The following JPH3 variants were observed in gnomAD, a reference collection of about 807,000 sequenced individuals.
JPH3 encodes junctophilin-3.
In JPH3, 11 loss-of-function variants were observed where a neutral mutation model predicts 59.6. The observed-to-expected ratio is 0.18, with a 90% CI of 0.12 to 0.31. JPH3 has a LOEUF of 0.31. Among genes scored for constraint, JPH3 ranks in the 10% least tolerant of loss-of-function variants. The pLI, the probability that JPH3 is intolerant of heterozygous loss-of-function variation, is 1.00. For missense variants in JPH3, 1,202 were observed against 1,105.7 expected, an observed-to-expected ratio of 1.09 and a Z score of -1.24; for synonymous variants, 673 against 483.6, an observed-to-expected ratio of 1.39 and a Z score of -5.14.
intron 1 of JPH3, among the ~76,000 whole-genome samples, chr16:87,630,511 C>A (rs1453956871): frequency 6.6e-6 from 1 of 152,176 alleles, no homozygotes; most frequent in African/African-American, 2.4e-5. Flanking sequence ...CCCACGTTGA[C>A]AACGTACGAG....
Position 87,644,856 on chromosome 16 carries a change from C to A in JPH3, c.981C>A (p.Thr327=), listed in dbSNP as rs1567596495. Reference sequence around the variant, plus strand: ...GGCGCCATGGCTACGGCTGCATGACCTTCCCGGACGGCACCAAGGAGGAGG... The same window carrying A: ...GGCGCCATGGCTACGGCTGCATGACATTCCCGGACGGCACCAAGGAGGAGG... The part of the protein sequence containing the change: ...SNRRHGYGCM[T]FPDGTKEEGK... The change falls in exon 2 of 5, where the codon ACC becomes ACA. Residue 327 remains threonine (T), a synonymous_variant. Coordinates refer to ENST00000284262, the MANE Select transcript of JPH3 (RefSeq NM_020655.4). 2 of 1,613,510 alleles carry A rather than the reference C, an allele frequency of 1.2e-6. No homozygotes were observed. The highest frequency in any genetic ancestry group is 2.2e-5 in the East Asian group (1 of 44,864).
chr16:87,604,485 C>T (rs552609431), intron 1 of JPH3: 5 of 1,341,028 alleles, frequency 3.7e-6, no homozygotes, highest in African/African-American at 1.5e-5. Flanking sequence ...GACCAGTCCA[C>T]TCCCATGTGG....
At chr16:87,649,309 C>T (rs564342667) in intron 2 of JPH3, among the ~76,000 whole-genome samples, 20 of 152,348 alleles carry the variant, frequency 1.3e-4, no homozygotes, top group Middle Eastern at 3.4e-3. Context: ...CATTCGGCCC[C>T]TCCTGCCTTC....
At position 87,689,704 on chromosome 16, in the gene JPH3, C is replaced by T. The variant is rs1402651928; in HGVS notation, c.1344C>T (p.Ser448=). 6.2e-7 allele frequency: 1 copy of T among 1,612,446 alleles called. No homozygotes were observed. Among genetic ancestry groups the T allele is most frequent in the Non-Finnish European group, 8.5e-7 (1 of 1,179,772 alleles). The part of the protein sequence containing the change: ...QTSCDDIEVL[S]TGTPLQQESP... ...CCTGTGACGACATCGAGGTGCTGTC[C>T]ACCGGGACACCCCTGCAGCAGGAGA... Residue 448 remains serine, a synonymous_variant, in exon 4 of 5, where the codon TCC becomes TCT. Coordinates refer to ENST00000284262, the MANE Select transcript of JPH3 (RefSeq NM_020655.4).
intron 2 of JPH3, among the ~76,000 whole-genome samples, chr16:87,663,781 G>C (rs766458609): frequency 6.6e-6 from 1 of 152,170 alleles, no homozygotes; most frequent in Non-Finnish European, 1.5e-5. Flanking sequence ...TCAAGCCCAA[G>C]TGCCGTGTTA....
intron 1 of JPH3, among the ~76,000 whole-genome samples, chr16:87,636,494 G>A (rs753042629): frequency 6.6e-5 from 10 of 152,310 alleles, no homozygotes; most frequent in East Asian, 5.8e-4. Context: ...GAGCAACTGC[G>A]GCGAGCGTGG....
At chr16:87,643,037 T>G (rs1485266831) in intron 1 of JPH3, among the ~76,000 whole-genome samples, 1 of 152,106 alleles carries the variant, frequency 6.6e-6, no homozygotes, top group African/African-American at 2.4e-5. Flanking sequence ...CTGTCCCTAT[T>G]CAACACTGAC....
intron 1 of JPH3, among the ~76,000 whole-genome samples, chr16:87,626,794 G>A (rs2150832587): frequency 6.6e-6 from 1 of 152,342 alleles, no homozygotes; most frequent in South Asian, 2.1e-4. Flanking sequence ...GAGAAGACGT[G>A]AGCTTCACTC....
rs2030306193 is a variant in JPH3 at position 87,602,941 on chromosome 16, G to A, written c.-206G>A. ...CTGGTCAGGCTCCGCGGCGCAGCTC[G>A]AAAAGGAATAATCGCCCCCGATTGA... is the stretch of plus-strand genomic sequence containing the variant. On this transcript the variant is annotated 5_prime_UTR_variant, in exon 1 of 5. Coordinates refer to ENST00000284262, the MANE Select transcript of JPH3 (RefSeq NM_020655.4). 4.1e-6 allele frequency: 2 copies of A among 487,486 alleles called. No homozygotes were observed. The highest frequency in any genetic ancestry group is 2.2e-5 in the African/African-American group (1 of 45,404). The allele number at this position is 487,486 out of a possible 1,614,324, so 30.2% of individuals were successfully genotyped here.
intron 4 of JPH3, 133 bp downstream of exon 4, chr16:87,690,659 A>G: frequency 9.8e-7 from 1 of 1,016,170 alleles, no homozygotes; most frequent in South Asian, 3.1e-5. Context: ...GGGTGGGGGT[A>G]CAGCCGGGAG....
At chr16:87,621,796 C>T (rs1457412366) in intron 1 of JPH3, among the ~76,000 whole-genome samples, 6 of 152,106 alleles carry the variant, frequency 3.9e-5, no homozygotes, top group African/African-American at 9.7e-5. Flanking sequence ...AGTCTAGGGA[C>T]GTAGGGCTCA....
At chr16:87,612,291 G>A (rs561780799) in intron 1 of JPH3, among the ~76,000 whole-genome samples, 5 of 152,206 alleles carry the variant, frequency 3.3e-5, no homozygotes, top group Non-Finnish European at 7.4e-5. Flanking sequence ...GCCCAGCTAA[G>A]TTTTGTTATT....
chr16:87,612,854 T>G (rs945836873), intron 1 of JPH3, among the ~76,000 whole-genome samples: 1 of 151,534 alleles, frequency 6.6e-6, no homozygotes. Context: ...CCGTCTCTAC[T>G]AAAAATACAA....
At chr16:87,682,439 C>T (rs1038354067) in intron 2 of JPH3, among the ~76,000 whole-genome samples, 9 of 152,066 alleles carry the variant, frequency 5.9e-5, no homozygotes, top group Admixed American at 5.9e-4. Flanking sequence ...GATGTGGGGC[C>T]TTTGGGAGGT....
In JPH3 at chr16:87,696,732, A is replaced by C; in HGVS notation, c.*72A>C. 7.8e-7 allele frequency: 1 copy of C among 1,286,750 alleles called. No individual in the cohort carries two copies. The allele number at this position is 1,286,750 out of a possible 1,614,324, so 79.7% of individuals were successfully genotyped here. A position where few individuals can be genotyped will look rare whatever the true frequency, so the allele number is the denominator to read the frequency against. On this transcript the variant is annotated 3_prime_UTR_variant, in exon 5 of 5. Coordinates refer to ENST00000284262, the MANE Select transcript of JPH3 (RefSeq NM_020655.4). ...CATTAAAATTAAAAGCAAAACCACA[A>C]GAAGGGAAAGACCGCAACTCGGACA...
At chr16:87,623,744 C>A (rs766216517) in intron 1 of JPH3, among the ~76,000 whole-genome samples, 1 of 152,180 alleles carries the variant, frequency 6.6e-6, no homozygotes, top group Non-Finnish European at 1.5e-5. Context: ...TCCCCCACAA[C>A]GCATGGGCCA....
rs563195544 is a variant in JPH3, at chr16:87,662,982, G to T, written c.1160+17947G>T. On this transcript the variant is annotated intron_variant, in intron 2 of 4. Coordinates refer to ENST00000284262, the MANE Select transcript of JPH3 (RefSeq NM_020655.4). The stretch of plus-strand genomic sequence containing the variant: ...AGCCCTGAGCTCACTAATCTCAGCC[G>T]TCACATGCTGTTGGGCACCAGCCTG... Among the ~76,000 whole-genome samples the T allele has an allele frequency of 9.8e-5, 15 of 152,320 alleles. No individual in the cohort carries two copies. In the South Asian group the frequency reaches 2.7e-3, roughly 27 times the overall value.
chr16:87,625,019 G>A (rs1162679282), intron 1 of JPH3, among the ~76,000 whole-genome samples: 1 of 152,132 alleles, frequency 6.6e-6, no homozygotes, highest in Non-Finnish European at 1.5e-5. Context: ...GGCTGGTCTC[G>A]AACTCCTGAC....
chr16:87,689,582 C>T (rs1284852817), intron 3 of JPH3, 64 bp from the exon 4 acceptor site: 5 of 1,544,480 alleles, frequency 3.2e-6, no homozygotes, highest in Non-Finnish European at 4.4e-6. Flanking sequence ...GGCCCGGGGA[C>T]CGCGGCCTCG....
Sources: gnomAD v4.1 joint callset for allele counts (sites outside exome capture counted in the v4.1 genomes callset) on GRCh38, gnomAD v4.1.1 for gene constraint, MANE v1.5 for transcripts, NCBI Gene and HGNC (gene_info 2026-07-23, HGNC 2026-07-21) for gene names.